The following VEPH1 variants were observed in gnomAD, a reference collection of about 807,000 sequenced individuals.
VEPH1 encodes ventricular zone expressed PH domain containing 1, also known as ventricular zone-expressed PH domain-containing protein homolog 1.
In VEPH1, 80 loss-of-function variants were observed where a neutral mutation model predicts 85.2. That is an observed-to-expected ratio of 0.94 (90% CI 0.78 to 1.13). The LOEUF is 1.13. VEPH1 is among the 50% of genes most tolerant of loss of function. The probability of loss-of-function intolerance (pLI) is 0.00; values close to 1 mark genes in which losing one functional copy is unlikely to be tolerated. For synonymous variants in VEPH1, 297 were observed against 348.0 expected, an observed-to-expected ratio of 0.85 and a Z score of 1.63; for missense variants, 955 against 980.5, an observed-to-expected ratio of 0.97 and a Z score of 0.35.
intron 12 of VEPH1, among the ~76,000 whole-genome samples, chr3:157,276,255 A>G (rs1439839328): frequency 6.6e-6 from 1 of 152,234 alleles, no homozygotes; most frequent in African/African-American, 2.4e-5. Context: ...TCTCTGACCA[A>G]TTACTGATGT....
Position 157,260,983 on chromosome 3 carries a change from C to A in VEPH1, c.*151G>T. ...AGTATGACATTTACTAAGAATCCTGCCATTTTAGGCCCTTCTTCTTAAAGG... is the reference window on the plus strand; with the variant it reads ...AGTATGACATTTACTAAGAATCCTGACATTTTAGGCCCTTCTTCTTAAAGG... On this transcript the variant is annotated 3_prime_UTR_variant, in exon 14 of 14. Transcript: ENST00000362010. 1 of 1,038,988 alleles carries A rather than the reference C, an allele frequency of 9.6e-7. No individual in the cohort carries two copies. The highest frequency in any genetic ancestry group is 2.4e-5 in the East Asian group (1 of 41,064). The allele number at this position is 1,038,988 out of a possible 1,614,324, so 64.4% of individuals were successfully genotyped here. A position where few individuals can be genotyped will look rare whatever the true frequency, so the allele number is the denominator to read the frequency against.
chr3:157,310,986 T>G (rs537070164), intron 11 of VEPH1, among the ~76,000 whole-genome samples: 1 of 152,338 alleles, frequency 6.6e-6, no homozygotes, highest in South Asian at 2.1e-4. Context: ...GTTCCGCCAC[T>G]GACCTTCAAC....
intron 3 of VEPH1, among the ~76,000 whole-genome samples, chr3:157,462,561 A>G (rs1735982039): frequency 6.6e-6 from 1 of 152,204 alleles, no homozygotes; most frequent in Non-Finnish European, 1.5e-5. Context: ...ATATTATGGG[A>G]TATGTAAGGC....
chr3:157,364,059 A>T (rs756378817), intron 8 of VEPH1, among the ~76,000 whole-genome samples: 1 of 152,218 alleles, frequency 6.6e-6, no homozygotes, highest in Middle Eastern at 3.2e-3. Flanking sequence ...TCAGAAATCA[A>T]GAGACAGTAT....
chr3:157,376,157 C>T (rs777298729), intron 7 of VEPH1, among the ~76,000 whole-genome samples: 17 of 152,118 alleles, frequency 1.1e-4, no homozygotes, highest in Non-Finnish European at 2.4e-4. Flanking sequence ...TATTTATCTC[C>T]CACTGCTGCT....
chr3:157,475,147 T>A (rs1170906249), intron 2 of VEPH1, among the ~76,000 whole-genome samples: 2 of 138,124 alleles, frequency 1.4e-5, no homozygotes, highest in South Asian at 2.2e-4. Context: ...TCCCAGCTAA[T>A]TTTTTTAATT....
At chr3:157,481,345 T>C (rs1738029529) in intron 2 of VEPH1, among the ~76,000 whole-genome samples, 1 of 150,374 alleles carries the variant, frequency 6.7e-6, no homozygotes, top group Non-Finnish European at 1.5e-5. Flanking sequence ...CCCAAAGCAA[T>C]CTATACATTC....
rs143168145 is a variant in VEPH1 at position 157,300,289 on chromosome 3, C to T, written c.2010+13332G>A. ...TGCAGAGGGATTGCATACCTCTGTT[C>T]CCCCAGGAATAGAGTTATTTCGTTA... On this transcript the variant is annotated intron_variant, in intron 11 of 13. Coordinates refer to ENST00000362010, the MANE Select transcript of VEPH1 (RefSeq NM_001167912.2). Among the ~76,000 whole-genome samples, 416 of 152,246 alleles carry T rather than the reference C, an allele frequency of 2.7e-3. 5 individuals carry two copies. The East Asian group carries it at 0.042, about 16-fold the overall frequency.
At chr3:157,290,951 A>G (rs1717408221) in intron 11 of VEPH1, among the ~76,000 whole-genome samples, 1 of 152,222 alleles carries the variant, frequency 6.6e-6, no homozygotes, top group African/African-American at 2.4e-5. Context: ...GGATTTTGTA[A>G]AAGTGCATAG....
In VEPH1 at chr3:157,495,229, T is replaced by C. The variant is rs1739565245; in HGVS notation, c.121A>G (p.Ile41Val). 6.2e-7 allele frequency: 1 copy of C among 1,613,834 alleles called. No individual in the cohort carries two copies. The highest frequency in any genetic ancestry group is 8.5e-7 in the Non-Finnish European group (1 of 1,179,894). Residue 41 changes from isoleucine (I) to valine (V), a missense_variant, in exon 2 of 14, where the codon ATA (isoleucine) becomes GTA (valine). Coordinates refer to ENST00000362010, the MANE Select transcript of VEPH1 (RefSeq NM_001167912.2). Reference protein sequence around the residue: ...SLTEALEQIKIISSSSDYQTN... With the variant: ...SLTEALEQIKVISSSSDYQTN... ...TTACTTACTGAAGATGAGCTAATTA[T>C]CTTAATTTGCTCCAAAGCTTCTGTA...
At chr3:157,474,969 T>C (rs991641692) in intron 2 of VEPH1, among the ~76,000 whole-genome samples, 15 of 152,070 alleles carry the variant, frequency 9.9e-5, no homozygotes, top group Admixed American at 7.9e-4. Context: ...CTTTTTATTT[T>C]AGATTTTCTA....
chr3:157,414,904 T>C (rs1262481292), intron 5 of VEPH1, among the ~76,000 whole-genome samples: 3 of 152,156 alleles, frequency 2.0e-5, no homozygotes, highest in Non-Finnish European at 4.4e-5. Flanking sequence ...TTATTTACTT[T>C]ATTGATTTGT....
intron 4 of VEPH1, among the ~76,000 whole-genome samples, chr3:157,439,938 G>A (rs1260198238): frequency 6.6e-6 from 1 of 152,096 alleles, no homozygotes; most frequent in African/African-American, 2.4e-5. Flanking sequence ...TTTTAGTAGA[G>A]ACGGGGTTTC....
At chr3:157,399,102 A>G (rs369410608) in intron 6 of VEPH1, among the ~76,000 whole-genome samples, 42 of 152,214 alleles carry the variant, frequency 2.8e-4, no homozygotes, top group African/African-American at 9.2e-4. Context: ...AATCTTAAAC[A>G]TGAATGCAGA....
chr3:157,376,671 G>T (rs1396930302), intron 7 of VEPH1, among the ~76,000 whole-genome samples: 1 of 152,170 alleles, frequency 6.6e-6, no homozygotes, highest in African/African-American at 2.4e-5. Context: ...CTCACCTGGT[G>T]CTTCTAACAA....
intron 5 of VEPH1, among the ~76,000 whole-genome samples, chr3:157,419,517 GAAT>G (rs1732173136): frequency 6.6e-6 from 1 of 152,052 alleles, no homozygotes; most frequent in Non-Finnish European, 1.5e-5. Context: ...CAAAGAACGT[GAAT>G]AGCCACTACT....
chr3:157,355,221 T>A (rs900972374), intron 9 of VEPH1, among the ~76,000 whole-genome samples: 11 of 152,214 alleles, frequency 7.2e-5, no homozygotes, highest in Admixed American at 6.5e-5. Flanking sequence ...TGTAACTACG[T>A]ATTATGTAAG....
At chr3:157,324,861 G>C (rs1721728059) in intron 9 of VEPH1, among the ~76,000 whole-genome samples, 1 of 152,116 alleles carries the variant, frequency 6.6e-6, no homozygotes, top group Non-Finnish European at 1.5e-5. Flanking sequence ...CCAGTAATGG[G>C]TTTGTTGGGT....
intron 11 of VEPH1, among the ~76,000 whole-genome samples, chr3:157,305,332 G>C (rs990047024): frequency 6.6e-6 from 1 of 151,402 alleles, no homozygotes; most frequent in Non-Finnish European, 1.5e-5. Flanking sequence ...GGATGGTCTC[G>C]ATCTCCTGAC....
Sources: gnomAD v4.1 joint callset for allele counts (sites outside exome capture counted in the v4.1 genomes callset) on GRCh38, gnomAD v4.1.1 for gene constraint, MANE v1.5 for transcripts, NCBI Gene and HGNC (gene_info 2026-07-23, HGNC 2026-07-21) for gene names.